The following NMT2 variants were observed in gnomAD, a reference collection of about 807,000 sequenced individuals.
The protein encoded by NMT2 is N-myristoyltransferase 2.
A neutral mutation model predicts 65.4 loss-of-function variants in NMT2; 35 were observed. The ratio of observed to expected loss-of-function variants is 0.54; its 90% confidence interval spans 0.41 to 0.71. The LOEUF is 0.71. Ranked by LOEUF, NMT2 falls within the 30% of genes least tolerant of loss-of-function variation. The pLI, the probability that NMT2 is intolerant of heterozygous loss-of-function variation, is 0.00. For missense variants in NMT2, 489 were observed against 611.3 expected (o/e 0.80, Z 2.11); for synonymous variants, 226 against 231.8 (o/e 0.98, Z 0.23).
chr10:15,151,135 T>C (rs946157959), intron 1 of NMT2, among the ~76,000 whole-genome samples: 4 of 151,200 alleles, frequency 2.6e-5, no homozygotes, highest in African/African-American at 9.8e-5. Flanking sequence ...CTCGGATCAC[T>C]GCAATCTCCG....
At chr10:15,155,583 A>G (rs774225472) in intron 1 of NMT2, among the ~76,000 whole-genome samples, 2 of 106,964 alleles carry the variant, frequency 1.9e-5, no homozygotes, top group African/African-American at 3.7e-5. Context: ...GGATCTTGCT[A>G]TATTACCCAG....
intron 1 of NMT2, among the ~76,000 whole-genome samples, chr10:15,161,081 C>CAAAAAA (rs750859200): frequency 0.014 from 262 of 19,302 alleles, 6 homozygotes; most frequent in Non-Finnish European, 0.015. Context: ...CCTCAAAAAT[C>CAAAAAA]AAAAAAAAAA....
At chr10:15,163,782 T>A (rs367701108) in intron 1 of NMT2, among the ~76,000 whole-genome samples, 3 of 152,134 alleles carry the variant, frequency 2.0e-5, no homozygotes, top group Non-Finnish European at 2.9e-5. Flanking sequence ...ACCCCCTAAA[T>A]TGGGGATGGT....
intron 1 of NMT2, among the ~76,000 whole-genome samples, chr10:15,149,350 C>T: frequency 6.6e-6 from 1 of 152,160 alleles, no homozygotes; most frequent in East Asian, 1.9e-4. Flanking sequence ...TCACCACCAT[C>T]ATCACCATTA....
At chr10:15,151,059 CTTT>C (rs200879621) in intron 1 of NMT2, among the ~76,000 whole-genome samples, 9 of 139,820 alleles carry the variant, frequency 6.4e-5, no homozygotes, top group Admixed American at 7.2e-5. Context: ...TAGCTTCCTC[CTTT>C]TTTTTTTTTT....
At chr10:15,130,454 C>T (rs10906833) in intron 6 of NMT2, 142 bp from the exon 7 acceptor site, 2 of 662,544 alleles carry the variant, frequency 3.0e-6, no homozygotes, top group Non-Finnish European at 4.7e-6. Context: ...CGCCTGTAAT[C>T]TCAGCACTTT....
chr10:15,122,810 G>C (rs1845967706), intron 8 of NMT2, among the ~76,000 whole-genome samples: 1 of 151,948 alleles, frequency 6.6e-6, no homozygotes, highest in South Asian at 2.1e-4. Context: ...TCAAAACTGA[G>C]AACATTTTTA....
chr10:15,147,140 C>CATCAAAG (rs1554824865), intron 1 of NMT2, among the ~76,000 whole-genome samples: 1 of 78,742 alleles, frequency 1.3e-5, no homozygotes, highest in Non-Finnish European at 2.7e-5. Flanking sequence ...AAAAAAGTGA[C>CATCAAAG]ATCAAAGGAG....
rs1845360999 is a variant in NMT2 at position 15,107,904 on chromosome 10, C to T, written c.*1291G>A. 4 of 985,392 alleles carry T rather than the reference C, an allele frequency of 4.1e-6. No individual in the cohort carries two copies. The South Asian group carries it at 1.9e-4, about 46-fold the overall frequency. 61.0% of individuals were successfully genotyped at this position (985,392 alleles called of 1,614,324 possible). ...TCTAGATTAAAAACACCATCAGTAACAAAATTATGAATACTTATTTACAAA... is the reference window on the plus strand; with the variant it reads ...TCTAGATTAAAAACACCATCAGTAATAAAATTATGAATACTTATTTACAAA... On this transcript the variant is annotated 3_prime_UTR_variant, in exon 12 of 12. Coordinates refer to ENST00000378165, the MANE Select transcript of NMT2 (RefSeq NM_004808.3).
intron 1 of NMT2, among the ~76,000 whole-genome samples, chr10:15,149,799 G>T (rs1327324227): frequency 6.6e-6 from 1 of 151,048 alleles, no homozygotes; most frequent in African/African-American, 2.5e-5. Flanking sequence ...AAGGTCACAT[G>T]GTTAATAATG....
At chr10:15,124,342 G>A (rs186793247) in intron 8 of NMT2, among the ~76,000 whole-genome samples, 1 of 152,214 alleles carries the variant, frequency 6.6e-6, no homozygotes, top group Non-Finnish European at 1.5e-5. Context: ...CAGGCCCTGC[G>A]ACAGCTCTGC....
Position 15,128,442 on chromosome 10 carries a change from G to A in NMT2, c.907C>T (p.Leu303=). Residue 303 remains leucine, a synonymous_variant, in exon 8 of 12, where the codon CTA becomes TTA. Transcript: ENST00000378165. Reference sequence around the variant, plus strand: ...ACTTCTACCAATTTTCTGGGGTTTAGTGATCGATGCCAGTATCTGGAATAC... The same window carrying A: ...ACTTCTACCAATTTTCTGGGGTTTAATGATCGATGCCAGTATCTGGAATAC... The part of the protein sequence containing the change: ...IATCRYWHRS[L]NPRKLVEVKF... The A allele has an allele frequency of 6.2e-7, 1 of 1,600,436 alleles. No individual in the cohort carries two copies. Among genetic ancestry groups the A allele is most frequent in the South Asian group, 1.1e-5 (1 of 90,648 alleles).
chr10:15,135,483 G>C, intron 2 of NMT2, 65 bp from the exon 3 acceptor site: 4 of 1,546,032 alleles, frequency 2.6e-6, no homozygotes, highest in Non-Finnish European at 3.6e-6. Flanking sequence ...TTGAGCAGAC[G>C]CACGTGCATC....
intron 1 of NMT2, chr10:15,168,235 T>C (rs949785464): frequency 5.4e-5 from 18 of 334,944 alleles, no homozygotes; most frequent in South Asian, 1.5e-4. Context: ...TGGGCGAGGC[T>C]GGCCGGGGGC....
At chr10:15,127,289 T>C (rs1846106720) in intron 8 of NMT2, among the ~76,000 whole-genome samples, 1 of 150,512 alleles carries the variant, frequency 6.6e-6, no homozygotes, top group South Asian at 2.1e-4. Flanking sequence ...GGCTCACTCC[T>C]GTAATCCCAG....
At chr10:15,164,033 A>T (rs933552504) in intron 1 of NMT2, among the ~76,000 whole-genome samples, 2 of 152,064 alleles carry the variant, frequency 1.3e-5, no homozygotes, top group African/African-American at 4.8e-5. Context: ...CAAAAAAATT[A>T]GCCAGGCGTG....
intron 1 of NMT2, among the ~76,000 whole-genome samples, chr10:15,156,299 C>A (rs183516551): frequency 2.3e-4 from 35 of 152,204 alleles, no homozygotes; most frequent in Admixed American, 2.2e-3. Flanking sequence ...TTTCACCCCC[C>A]TCACTCTCAT....
intron 10 of NMT2, among the ~76,000 whole-genome samples, chr10:15,110,983 G>A (rs182866686): frequency 0.012 from 1,790 of 151,906 alleles, 26 homozygotes; most frequent in Non-Finnish European, 0.019. Flanking sequence ...AGTAGAGACC[G>A]GGTTTCACCG....
At chr10:15,132,972 T>C in intron 5 of NMT2, 39 bp from the exon 6 acceptor site, 2 of 1,600,828 alleles carry the variant, frequency 1.2e-6, no homozygotes, top group Non-Finnish European at 1.7e-6. Context: ...CACCAGTTAT[T>C]GTCCAAGAAC....
Sources: gnomAD v4.1 joint callset for allele counts (sites outside exome capture counted in the v4.1 genomes callset) on GRCh38, gnomAD v4.1.1 for gene constraint, MANE v1.5 for transcripts, NCBI Gene and HGNC (gene_info 2026-07-23, HGNC 2026-07-21) for gene names.